The following CLMP variants were observed in gnomAD, a reference collection of about 807,000 sequenced individuals.
CLMP encodes CXADR like cell adhesion molecule.
Under a neutral mutation model 45.2 loss-of-function variants are expected in CLMP, and 27 were observed. The observed-to-expected ratio is 0.60, with a 90% CI of 0.44 to 0.82. The LOEUF is 0.82. Among genes scored for constraint, CLMP ranks in the 40% least tolerant of loss-of-function variants. The probability of loss-of-function intolerance (pLI) is 0.00; values close to 1 mark genes in which losing one functional copy is unlikely to be tolerated. For missense variants in CLMP, 403 were observed against 448.4 expected (o/e 0.90, Z 0.91); for synonymous variants, 167 against 171.4 (o/e 0.97, Z 0.20).
chr11:123,109,007 C>G (rs1258561717), intron 1 of CLMP, among the ~76,000 whole-genome samples: 2 of 135,228 alleles, frequency 1.5e-5, no homozygotes, highest in African/African-American at 5.6e-5. Flanking sequence ...TGCAGTGAGC[C>G]AAGATCACGC....
chr11:123,166,416 A>G (rs559628885), intron 1 of CLMP, among the ~76,000 whole-genome samples: 1 of 152,362 alleles, frequency 6.6e-6, no homozygotes, highest in African/African-American at 2.4e-5. Context: ...GACGGCTTCA[A>G]TAGCCCAGAG....
chr11:123,091,619 A>G (rs767952536), intron 2 of CLMP, among the ~76,000 whole-genome samples: 1 of 152,096 alleles, frequency 6.6e-6, no homozygotes, highest in Non-Finnish European at 1.5e-5. Context: ...CCTACTGACC[A>G]TATGTTTATA....
intron 6 of CLMP, 144 bp from the exon 7 acceptor site, chr11:123,073,918 G>GT: frequency 1.3e-6 from 1 of 764,338 alleles, no homozygotes; most frequent in Non-Finnish European, 2.1e-6. Flanking sequence ...GTGCTTCCTC[G>GT]TATCTTAAGA....
chr11:123,083,612 G>C (rs1216511087), intron 4 of CLMP, 68 bp downstream of exon 4: 4 of 1,512,046 alleles, frequency 2.6e-6, no homozygotes, highest in Non-Finnish European at 3.7e-6. Flanking sequence ...TGCTGAGAAA[G>C]CTGATTTAGA....
At chr11:123,124,236 G>A (rs924725443) in intron 1 of CLMP, among the ~76,000 whole-genome samples, 15 of 151,814 alleles carry the variant, frequency 9.9e-5, no homozygotes, top group African/African-American at 3.6e-4. Context: ...GGCTGGTCTC[G>A]AACTCCTGGC....
At chr11:123,119,083 C>T (rs1425354426) in intron 1 of CLMP, among the ~76,000 whole-genome samples, 1 of 110,816 alleles carries the variant, frequency 9.0e-6, no homozygotes, top group Non-Finnish European at 1.8e-5. Flanking sequence ...CTCTCTCTCT[C>T]TCTCTCTTTC....
chr11:123,074,763 G>A lies in CLMP; in HGVS notation c.760C>T (p.Leu254=), dbSNP rs746254023. The change falls in exon 6 of 7, where the codon CTG becomes TTG. Residue 254 remains leucine, a synonymous_variant. Coordinates refer to ENST00000448775, the MANE Select transcript of CLMP (RefSeq NM_024769.5). ...TCTTTGTCTTTCCTTCGGATTAGCA[G>A]CCACACCAAGAGGAAAATCAGCAGG... The part of the protein sequence containing the change: ...GALLIFLLVW[L]LIRRKDKERY... 1.7e-5 allele frequency: 28 copies of A among 1,613,932 alleles called. No homozygotes were observed. The South Asian group carries it at 2.7e-4, about 16-fold the overall frequency.
At chr11:123,182,664 C>G (rs1020879013) in intron 1 of CLMP, among the ~76,000 whole-genome samples, 1 of 152,226 alleles carries the variant, frequency 6.6e-6, no homozygotes, top group Non-Finnish European at 1.5e-5. Flanking sequence ...CTACTGCTGT[C>G]CTCACACACA....
chr11:123,128,985 G>A (rs567944425), intron 1 of CLMP, among the ~76,000 whole-genome samples: 13 of 152,186 alleles, frequency 8.5e-5, no homozygotes, highest in South Asian at 8.3e-4. Context: ...TAGCACAGCC[G>A]GTGTTAAACT....
intron 1 of CLMP, among the ~76,000 whole-genome samples, chr11:123,142,864 G>A (rs1391478051): frequency 2.7e-5 from 4 of 149,480 alleles, no homozygotes; most frequent in Non-Finnish European, 5.9e-5. Context: ...CTGACCTCAT[G>A]ATCCACCCAC....
intron 1 of CLMP, among the ~76,000 whole-genome samples, chr11:123,178,752 G>A (rs776908440): frequency 5.9e-5 from 9 of 152,178 alleles, no homozygotes; most frequent in Non-Finnish European, 1.3e-4. Context: ...GTAGCAGGAG[G>A]ATGTGTGGCT....
intron 2 of CLMP, among the ~76,000 whole-genome samples, chr11:123,096,879 C>T (rs1420907181): frequency 6.6e-6 from 1 of 151,982 alleles, no homozygotes; most frequent in Non-Finnish European, 1.5e-5. Context: ...GGTGTGATCT[C>T]AGCTCACTGC....
intron 1 of CLMP, among the ~76,000 whole-genome samples, chr11:123,180,095 T>C (rs921330209): frequency 2.6e-5 from 4 of 152,200 alleles, no homozygotes; most frequent in Non-Finnish European, 4.4e-5. Flanking sequence ...ACTGCCTGGA[T>C]TCAAATTCAG....
At chr11:123,118,937 CTTTCTT>C in intron 1 of CLMP, among the ~76,000 whole-genome samples, 1 of 12,874 alleles carries the variant, frequency 7.8e-5, no homozygotes, top group Non-Finnish European at 1.7e-4. Context: ...TCTTTTCTTT[CTTTCTT>C]TCTTTCTTTC....
chr11:123,080,452 C>G (rs1865791887), intron 5 of CLMP, among the ~76,000 whole-genome samples: 1 of 151,968 alleles, frequency 6.6e-6, no homozygotes, highest in African/African-American at 2.4e-5. Flanking sequence ...CTTGGCCTCC[C>G]AAGTAGCTGG....
At chr11:123,129,726 T>C (rs1184166262) in intron 1 of CLMP, among the ~76,000 whole-genome samples, 1 of 144,860 alleles carries the variant, frequency 6.9e-6, no homozygotes, top group Non-Finnish European at 1.5e-5. Flanking sequence ...TATATAGATA[T>C]AGTTCAGTAC....
In CLMP at chr11:123,110,215, G is replaced by T. The variant is rs913652983; in HGVS notation, c.29-12263C>A. On this transcript the variant is annotated intron_variant, in intron 1 of 6. Coordinates refer to ENST00000448775, the MANE Select transcript of CLMP (RefSeq NM_024769.5). Reference sequence around the variant, plus strand: ...TCACGCCTGTAATCCCAGCACTTTGGGGGGCTGAGGTGGGCAGATCACAAG... The same window carrying T: ...TCACGCCTGTAATCCCAGCACTTTGTGGGGCTGAGGTGGGCAGATCACAAG... 3.9e-5 allele frequency among the ~76,000 whole-genome samples: 6 copies of T among 152,114 alleles called. No homozygotes were observed. The East Asian group carries it at 5.8e-4, about 15-fold the overall frequency.
intron 1 of CLMP, among the ~76,000 whole-genome samples, chr11:123,117,407 A>T (rs1175931014): frequency 6.6e-6 from 1 of 151,792 alleles, no homozygotes; most frequent in Non-Finnish European, 1.5e-5. Flanking sequence ...TATCTTTTTT[A>T]AAAAATTTTT....
rs1257952858 is a variant in CLMP at position 123,101,848 on chromosome 11, A to G, written c.29-3896T>C. Among the ~76,000 whole-genome samples, 7 of 152,148 alleles carry G rather than the reference A, an allele frequency of 4.6e-5. No homozygotes were observed. In the South Asian group the frequency reaches 8.3e-4, roughly 18 times the overall value. ...GAGAGACTAAATCCTGGTAAGGCAC[A>G]GGCATAAGCCATTGTCAGCCATTAC... On this transcript the variant is annotated intron_variant, in intron 1 of 6. Transcript: ENST00000448775.
Sources: allele counts gnomAD v4.1 joint callset (sites outside exome capture counted in the v4.1 genomes callset), GRCh38; gene constraint gnomAD v4.1.1; transcripts MANE v1.5; gene names NCBI Gene and HGNC (gene_info 2026-07-23, HGNC 2026-07-21).